UNC119: variants seen among roughly 807,000 people sequenced by gnomAD.
UNC119 encodes unc-119 lipid binding chaperone.
A neutral mutation model predicts 22.6 loss-of-function variants in UNC119; 15 were observed. The observed-to-expected ratio is 0.66, with a 90% CI of 0.44 to 1.02. The LOEUF is 1.02. Among genes scored for constraint, UNC119 ranks in the 50% least tolerant of loss-of-function variants. The probability of loss-of-function intolerance (pLI) is 0.00; values close to 1 mark genes in which losing one functional copy is unlikely to be tolerated. For missense variants in UNC119, 322 were observed against 336.0 expected (o/e 0.96, Z 0.33); for synonymous variants, 138 against 139.4 (o/e 0.99, Z 0.07).
intron 2 of UNC119, 148 bp from the exon 3 acceptor site, chr17:28,548,249 A>C: frequency 1.3e-6 from 1 of 763,692 alleles, no homozygotes; most frequent in Non-Finnish European, 2.1e-6. Flanking sequence ...CATTGGCCAA[A>C]TAGTGCCACC....
In UNC119 at chr17:28,547,715, T is replaced by G. The variant is rs775955980; in HGVS notation, c.572A>C (p.Glu191Ala). The change falls in exon 4 of 5, where the codon GAG (glutamate) becomes GCG (alanine). Residue 191 changes from glutamate to alanine, a missense_variant. Glu to Ala is a moderately radical substitution (Grantham distance 107, BLOSUM62 -1). Coordinates refer to ENST00000335765, the MANE Select transcript of UNC119 (RefSeq NM_005148.4). ...GAGAGGGGGGAAGTCGTAAATGTGC[T>G]CGCAGGTGTTCTTGCTGCTGGGGAT... The part of the protein sequence containing the change: ...FCIPSSKNTC[E>A]HIYDFPPLSE... The G allele has an allele frequency of 6.1e-5, 98 of 1,614,094 alleles. No homozygotes were observed. The highest frequency in any genetic ancestry group is 7.6e-5 in the Non-Finnish European group (90 of 1,180,050).
At position 28,547,720 on chromosome 17, in the gene UNC119, G is replaced by C. The variant is rs1156426909; in HGVS notation, c.567C>G (p.Thr189=). 6.2e-7 allele frequency: 1 copy of C among 1,614,132 alleles called. No homozygotes were observed. The highest frequency in any genetic ancestry group is 1.3e-5 in the African/African-American group (1 of 74,940). Residue 189 remains threonine (T), a synonymous_variant, in exon 4 of 5, where the codon ACC becomes ACG. Coordinates refer to ENST00000335765, the MANE Select transcript of UNC119 (RefSeq NM_005148.4). Reference sequence around the variant, plus strand: ...GGGGGAAGTCGTAAATGTGCTCGCAGGTGTTCTTGCTGCTGGGGATGCAGA... The same window carrying C: ...GGGGGAAGTCGTAAATGTGCTCGCACGTGTTCTTGCTGCTGGGGATGCAGA... ...FGFCIPSSKN[T]CEHIYDFPPL...
At chr17:28,548,821 T>TTTCCAGAG in intron 1 of UNC119, 116 bp from the exon 2 acceptor site, 1 of 788,534 alleles carries the variant, frequency 1.3e-6, no homozygotes, top group Non-Finnish European at 2.1e-6. Flanking sequence ...CACTGCCCTC[T>TTTCCAGAG]GGAAAGAGGG....
rs1370921673 is a variant in UNC119 at position 28,548,028 on chromosome 17, G to A, written c.408C>T (p.Ala136=). Residue 136 remains alanine (A), a synonymous_variant, in exon 3 of 5, where the codon GCC becomes GCT. Transcript: ENST00000335765. The stretch of plus-strand genomic sequence containing the variant: ...CTCCCACCTGCCTCAGGCGGAGGAA[G>A]GCAGGCGTGAACTGGTAGCGGACAA... ...GRFVRYQFTP[A]FLRLRQVGAT... 6.2e-7 allele frequency: 1 copy of A among 1,613,926 alleles called. No individual in the cohort carries two copies. The highest frequency in any genetic ancestry group is 8.5e-7 in the Non-Finnish European group (1 of 1,180,030).
At chr17:28,550,148 G>C (rs775311264) in intron 1 of UNC119, 1 of 152,232 alleles carries the variant, frequency 6.6e-6, no homozygotes, top group Non-Finnish European at 1.5e-5. Context: ...GCCCACATGT[G>C]GGGTGGGGAG....
Position 28,552,328 on chromosome 17 carries a change from G to T in UNC119, c.220+10C>A. On this transcript the variant is annotated intron_variant, in intron 1 of 4. Coordinates refer to ENST00000335765, the MANE Select transcript of UNC119 (RefSeq NM_005148.4). ...CCACCCGCGGGCGGCGCTCCCTCGCGGGTGCTCACCACCGGTGATCCGCTG... is the reference window on the plus strand; with the variant it reads ...CCACCCGCGGGCGGCGCTCCCTCGCTGGTGCTCACCACCGGTGATCCGCTG... 6.5e-7 allele frequency: 1 copy of T among 1,532,698 alleles called. No homozygotes were observed. The highest frequency in any genetic ancestry group is 8.7e-7 in the Non-Finnish European group (1 of 1,145,430). 94.9% of individuals were successfully genotyped at this position (1,532,698 alleles called of 1,614,324 possible).
Position 28,547,001 on chromosome 17 carries a change from T to C in UNC119, c.*296A>G. The C allele has an allele frequency of 2.5e-6, 1 of 403,568 alleles. No homozygotes were observed. The highest frequency in any genetic ancestry group is 4.7e-6 in the Non-Finnish European group (1 of 211,824). The allele number at this position is 403,568 out of a possible 1,614,324, so 25.0% of individuals were successfully genotyped here. A position where few individuals can be genotyped will look rare whatever the true frequency, so the allele number is the denominator to read the frequency against. ...TGATAGGGGAACACTATTCTGAAAC[T>C]TGGGCCCAAGTAGGGCCCAGCTAAG... On this transcript the variant is annotated 3_prime_UTR_variant, in exon 5 of 5. Coordinates refer to ENST00000335765, the MANE Select transcript of UNC119 (RefSeq NM_005148.4).
intron 1 of UNC119, chr17:28,549,880 C>A (rs2070252575): frequency 6.6e-6 from 1 of 152,220 alleles, no homozygotes; most frequent in African/African-American, 2.4e-5. Flanking sequence ...GTGCTGTCAG[C>A]CTGCACAGCA....
intron 1 of UNC119, chr17:28,552,085 A>C: frequency 1.9e-5 from 13 of 668,024 alleles, no homozygotes; most frequent in East Asian, 6.0e-5. Context: ...GGAAAAGGGG[A>C]CGGGCCCCTG....
At chr17:28,548,778 CCA>C (rs1458343416) in intron 1 of UNC119, 73 bp from the exon 2 acceptor site, 2 of 1,179,814 alleles carry the variant, frequency 1.7e-6, no homozygotes, top group African/African-American at 3.0e-5. Flanking sequence ...GTGTGGGACC[CCA>C]GAGTAGCTAC....
At chr17:28,549,782 C>G (rs1424906786) in intron 1 of UNC119, 1 of 152,254 alleles carries the variant, frequency 6.6e-6, no homozygotes, top group African/African-American at 2.4e-5. Flanking sequence ...AGGGCCTGAT[C>G]TAACCCTCAC....
Position 28,547,256 on chromosome 17 carries a change from GCCC to G in UNC119, c.*38_*40del. The G allele has an allele frequency of 1.2e-6, 2 of 1,611,346 alleles. No homozygotes were observed. Among genetic ancestry groups the G allele is most frequent in the Non-Finnish European group, 1.7e-6 (2 of 1,178,162 alleles). On this transcript the variant is annotated 3_prime_UTR_variant, in exon 5 of 5. Transcript: ENST00000335765. ...AGCGTTGGGGAGGTCACAGCTCCCA[GCCC>G]AGAACTGGAGCCTCCTGGGGTCAGG...
In UNC119 at chr17:28,552,493, C is replaced by A. The variant is rs199714731; in HGVS notation, c.65G>T (p.Gly22Val). The change falls in exon 1 of 5, where the codon GGC (glycine) becomes GTC (valine). Residue 22 changes from glycine (G) to valine (V), a missense_variant. Gly to Val is a moderately radical substitution (Grantham distance 109). Transcript: ENST00000335765. ...TATESAPGPS[G>V]QSVAPIPQPP... ...CTGTGGTATGGGGGCCACGCTCTGG[C>A]CCGAGGGCCCCGGAGCGGACTCCGT... The A allele has an allele frequency of 1.2e-3, 1,848 of 1,570,244 alleles. 17 individuals are homozygous for A. In the African/African-American group the frequency reaches 0.021, roughly 18 times the overall value.
Position 28,548,165 on chromosome 17 carries a change from T to C in UNC119, c.335-64A>G, listed in dbSNP as rs114431780. On this transcript the variant is annotated intron_variant, in intron 2 of 4. Transcript: ENST00000335765. ...CTGGGCCCTTGTCCACCCAGGGTTC[T>C]ACCCTTGGGTCCCCATCTATCTGAT... The C allele has an allele frequency of 1.1e-3, 1,569 of 1,472,792 alleles. 8 individuals carry two copies. The African/African-American group carries it at 0.018, about 17-fold the overall frequency. The allele number at this position is 1,472,792 out of a possible 1,614,324, so 91.2% of individuals were successfully genotyped here.
Position 28,552,516 on chromosome 17 carries a change from C to T in UNC119, c.42G>A (p.Thr14=). The part of the protein sequence containing the change: ...KKGGGGAGTA[T]ESAPGPSGQS... ...GGCCCGAGGGCCCCGGAGCGGACTCCGTCGCCGTCCCGGCCCCACCGCCGC... is the reference window on the plus strand; with the variant it reads ...GGCCCGAGGGCCCCGGAGCGGACTCTGTCGCCGTCCCGGCCCCACCGCCGC... Residue 14 remains threonine, a synonymous_variant, in exon 1 of 5, where the codon ACG becomes ACA. Coordinates refer to ENST00000335765, the MANE Select transcript of UNC119 (RefSeq NM_005148.4). 3 of 1,555,800 alleles carry T rather than the reference C, an allele frequency of 1.9e-6. No homozygotes were observed. Among genetic ancestry groups the T allele is most frequent in the Non-Finnish European group, 2.6e-6 (3 of 1,161,382 alleles).
At position 28,546,792 on chromosome 17, in the gene UNC119, A is replaced by C. The variant is rs992317503; in HGVS notation, c.*505T>G. The C allele has an allele frequency of 1.3e-5, 3 of 223,856 alleles. No individual in the cohort carries two copies. Among genetic ancestry groups the C allele is most frequent in the African/African-American group, 6.7e-5 (3 of 44,574 alleles). The allele number at this position is 223,856 out of a possible 1,614,324, so 13.9% of individuals were successfully genotyped here. A position where few individuals can be genotyped will look rare whatever the true frequency, so the allele number is the denominator to read the frequency against. On this transcript the variant is annotated 3_prime_UTR_variant, in exon 5 of 5. Transcript: ENST00000335765. ...GCTGCAATCTCAGCCAGTCCCTCCC[A>C]CACCTTAGGCAGTGTCTTGGCCCCT...
chr17:28,548,850 G>A, intron 1 of UNC119, 145 bp from the exon 2 acceptor site: 1 of 642,728 alleles, frequency 1.6e-6, no homozygotes, highest in Non-Finnish European at 2.7e-6. Flanking sequence ...CCCTGCCCTT[G>A]GGGTACACCC....
chr17:28,550,773 A>T (rs927542041), intron 1 of UNC119: 4 of 152,194 alleles, frequency 2.6e-5, no homozygotes, highest in African/African-American at 9.7e-5. Flanking sequence ...CCCTTCACAG[A>T]TGCCCCATCT....
Position 28,547,849 on chromosome 17 carries a change from C to T in UNC119, c.438G>A (p.Thr146=), listed in dbSNP as rs1269334294. The T allele has an allele frequency of 1.2e-6, 2 of 1,614,068 alleles. No homozygotes were observed. The highest frequency in any genetic ancestry group is 1.3e-5 in the African/African-American group (1 of 75,002). ...AFLRLRQVGA[T]VEFTVGDKPV... Reference sequence around the variant, plus strand: ...GCTTGTCTCCCACTGTGAACTCCACCCTGAGCAAGAAAAGGAGGCAGGGCT... The same window carrying T: ...GCTTGTCTCCCACTGTGAACTCCACTCTGAGCAAGAAAAGGAGGCAGGGCT... Residue 146 remains threonine (T), a splice_region_variant and synonymous_variant, in exon 4 of 5, where the codon ACG becomes ACA. Transcript: ENST00000335765.
Sources: gnomAD v4.1 joint callset for allele counts on GRCh38, gnomAD v4.1.1 for gene constraint, MANE v1.5 for transcripts, NCBI Gene and HGNC (gene_info 2026-07-23, HGNC 2026-07-21) for gene names.